PPM1L: variants seen among roughly 807,000 people sequenced by gnomAD.
PPM1L encodes protein phosphatase, Mg2+/Mn2+ dependent 1L.
PPM1L carries 13 observed loss-of-function variants against 31.4 expected under a neutral mutation model. The ratio of observed to expected loss-of-function variants is 0.41; its 90% CI spans 0.27 to 0.66. The LOEUF (loss-of-function observed/expected upper bound fraction) is 0.66. PPM1L is among the 30% of genes least tolerant of loss of function. The pLI is 0.29. For synonymous variants in PPM1L, 184 were observed against 175.4 expected (o/e 1.05, Z -0.39); for missense variants, 326 against 453.7 (o/e 0.72, Z 2.56).
intron 2 of PPM1L, among the ~76,000 whole-genome samples, chr3:161,058,240 T>TCAGCCTCC (rs2108104418): frequency 6.8e-6 from 1 of 147,176 alleles, no homozygotes; most frequent in Admixed American, 6.9e-5. Flanking sequence ...TTCTCCTGCC[T>TCAGCCTCC]CAGCCTCCGG....
intron 1 of PPM1L, among the ~76,000 whole-genome samples, chr3:160,786,127 T>TTCTCTC (rs147384969): frequency 9.6e-6 from 1 of 103,988 alleles, no homozygotes; most frequent in South Asian, 3.1e-4. Context: ...AATCTCATTT[T>TTCTCTC]TCTCTCTCTC....
intron 3 of PPM1L, 94 bp downstream of exon 3, chr3:161,065,658 G>C: frequency 8.3e-7 from 1 of 1,204,838 alleles, no homozygotes; most frequent in Non-Finnish European, 1.2e-6. Context: ...GTCCAGTTAT[G>C]CAGTATTAGA....
At chr3:160,909,054 G>C (rs1713861994) in intron 1 of PPM1L, among the ~76,000 whole-genome samples, 1 of 152,194 alleles carries the variant, frequency 6.6e-6, no homozygotes, top group African/African-American at 2.4e-5. Context: ...TGCCAAGAGA[G>C]AACAGGGCTA....
chr3:161,046,110 C>CA (rs58794623), intron 2 of PPM1L, among the ~76,000 whole-genome samples: 8,395 of 50,090 alleles, frequency 0.17, 1,288 homozygotes, highest in South Asian at 0.32. Flanking sequence ...GACTCTGTCT[C>CA]AAAAAAAAAA....
chr3:161,040,725 T>A (rs1460364419), intron 2 of PPM1L, among the ~76,000 whole-genome samples: 1 of 152,164 alleles, frequency 6.6e-6, no homozygotes, highest in African/African-American at 2.4e-5. Context: ...AATTCCTATC[T>A]AAGGGGTCTG....
chr3:160,843,022 T>C (rs961310662), intron 1 of PPM1L, among the ~76,000 whole-genome samples: 8 of 152,178 alleles, frequency 5.3e-5, no homozygotes, highest in African/African-American at 1.9e-4. Context: ...TTTCCAATAG[T>C]TTTTGGCTTT....
chr3:160,934,965 A>G (rs1247818572), intron 1 of PPM1L, among the ~76,000 whole-genome samples: 1 of 152,186 alleles, frequency 6.6e-6, no homozygotes, highest in Non-Finnish European at 1.5e-5. Flanking sequence ...AAAAAAGATC[A>G]CATCATTAAA....
intron 1 of PPM1L, among the ~76,000 whole-genome samples, chr3:160,854,608 A>G (rs540069849): frequency 5.9e-4 from 90 of 152,236 alleles, no homozygotes; most frequent in African/African-American, 2.1e-3. Flanking sequence ...ACACATACAC[A>G]CACACACACA....
At chr3:160,811,268 T>A (rs1394305071) in intron 1 of PPM1L, among the ~76,000 whole-genome samples, 1 of 152,200 alleles carries the variant, frequency 6.6e-6, no homozygotes, top group Admixed American at 6.5e-5. Flanking sequence ...CCCCCTCTTT[T>A]CTCCCCGTCT....
chr3:160,769,973 T>C (rs1715207341), intron 1 of PPM1L, among the ~76,000 whole-genome samples: 1 of 152,060 alleles, frequency 6.6e-6, no homozygotes. Flanking sequence ...TTGGAGTAAA[T>C]TCTGTGTATG....
At chr3:160,950,081 C>T (rs1414259185) in intron 1 of PPM1L, among the ~76,000 whole-genome samples, 7 of 152,058 alleles carry the variant, frequency 4.6e-5, no homozygotes, top group Non-Finnish European at 1.0e-4. Context: ...TTGTGTTTTC[C>T]TCCACACAAA....
intron 1 of PPM1L, among the ~76,000 whole-genome samples, chr3:160,923,922 A>G (rs1483797498): frequency 6.6e-6 from 1 of 152,190 alleles, no homozygotes; most frequent in Non-Finnish European, 1.5e-5. Context: ...GGGGAAGCAG[A>G]TGGAATGAAC....
intron 1 of PPM1L, among the ~76,000 whole-genome samples, chr3:160,818,502 G>A (rs1231786990): frequency 6.6e-6 from 1 of 151,888 alleles, no homozygotes; most frequent in Non-Finnish European, 1.5e-5. Flanking sequence ...AGCACTTCTA[G>A]TACATCAAAA....
intron 2 of PPM1L, among the ~76,000 whole-genome samples, chr3:161,044,244 TG>T (rs1470559436): frequency 5.3e-5 from 8 of 152,160 alleles, no homozygotes; most frequent in Admixed American, 5.2e-4. Flanking sequence ...TTCACCATGT[TG>T]GCCAGACTGG....
At chr3:160,960,317 A>C (rs1316634356) in intron 1 of PPM1L, among the ~76,000 whole-genome samples, 1 of 152,164 alleles carries the variant, frequency 6.6e-6, no homozygotes, top group African/African-American at 2.4e-5. Context: ...AAATCAAGGT[A>C]GTTAGCATAT....
At chr3:160,882,192 C>T (rs1712745593) in intron 1 of PPM1L, 1 of 152,138 alleles carries the variant, frequency 6.6e-6, no homozygotes, top group African/African-American at 2.4e-5. Context: ...ATAACGCTTT[C>T]ACTACTGGTT....
At chr3:160,773,055 G>C (rs184763969) in intron 1 of PPM1L, among the ~76,000 whole-genome samples, 4 of 152,118 alleles carry the variant, frequency 2.6e-5, no homozygotes, top group Admixed American at 2.0e-4. Context: ...ATTTCTCTTG[G>C]GTAAATATCT....
At chr3:160,762,246 G>T (rs1714988883) in intron 1 of PPM1L, among the ~76,000 whole-genome samples, 1 of 152,120 alleles carries the variant, frequency 6.6e-6, no homozygotes, top group Non-Finnish European at 1.5e-5. Flanking sequence ...ATGCCTTATG[G>T]TTTAAGAGAA....
intron 1 of PPM1L, among the ~76,000 whole-genome samples, chr3:160,774,972 A>G (rs1711529780): frequency 6.6e-6 from 1 of 152,238 alleles, no homozygotes; most frequent in Non-Finnish European, 1.5e-5. Flanking sequence ...AACAAATGAA[A>G]AGGGGATACC....
Sources: gnomAD v4.1 joint callset for allele counts (sites outside exome capture counted in the v4.1 genomes callset) on GRCh38, gnomAD v4.1.1 for gene constraint, MANE v1.5 for transcripts, NCBI Gene and HGNC (gene_info 2026-07-23, HGNC 2026-07-21) for gene names.